The following SCFD2 variants were observed in gnomAD, a reference collection of about 807,000 sequenced individuals.
SCFD2 encodes sec1 family domain-containing protein 2.
Under a neutral mutation model 58.9 loss-of-function variants are expected in SCFD2, and 54 were observed. That is an observed-to-expected ratio of 0.92 (90% CI 0.74 to 1.15). The LOEUF (loss-of-function observed/expected upper bound fraction) is 1.15, where lower values mean the gene tolerates loss of function less well. Among genes scored for constraint, SCFD2 ranks in the 50% most tolerant of loss-of-function variants. SCFD2 has a pLI of 0.00. For missense variants in SCFD2, 805 were observed against 836.6 expected (o/e 0.96, Z 0.47); for synonymous variants, 321 against 335.9 (o/e 0.96, Z 0.49).
chr4:53,101,378 T>C (rs1577727895), intron 5 of SCFD2, among the ~76,000 whole-genome samples: 2 of 152,286 alleles, frequency 1.3e-5, no homozygotes, highest in East Asian at 3.9e-4. Context: ...AATTTGATAG[T>C]AGTTGATCTT....
intron 8 of SCFD2, among the ~76,000 whole-genome samples, chr4:52,883,222 CAG>C (rs1490273648): frequency 2.0e-5 from 3 of 152,174 alleles, no homozygotes; most frequent in Non-Finnish European, 4.4e-5. Context: ...CTCAGATCGG[CAG>C]AGTTTGCTGT....
chr4:53,247,946 CG>C (rs1341134892), intron 4 of SCFD2, among the ~76,000 whole-genome samples: 1 of 151,886 alleles, frequency 6.6e-6, no homozygotes, highest in Non-Finnish European at 1.5e-5. Flanking sequence ...GGAACAGCTC[CG>C]GTCTACAGCT....
intron 4 of SCFD2, among the ~76,000 whole-genome samples, chr4:53,248,063 CA>C (rs973646739): frequency 6.6e-6 from 1 of 152,128 alleles, no homozygotes; most frequent in Admixed American, 6.5e-5. Context: ...TCAGTGGGTG[CA>C]GCGCACCATG....
In SCFD2 at chr4:52,921,241, T is replaced by C. The variant is rs530229320; in HGVS notation, c.1562-371A>G. On this transcript the variant is annotated intron_variant, in intron 5 of 8. Coordinates refer to ENST00000401642, the MANE Select transcript of SCFD2 (RefSeq NM_152540.4). ...AGACACAAAGGAAAATACGAGAGAC[T>C]GTTATGATCAAACTCACTTGCTTGA... Among the ~76,000 whole-genome samples, 25 of 152,262 alleles carry C rather than the reference T, an allele frequency of 1.6e-4. No individual in the cohort carries two copies. In the South Asian group the frequency reaches 5.0e-3, roughly 30 times the overall value.
At chr4:52,908,531 G>A (rs369052333) in intron 6 of SCFD2, among the ~76,000 whole-genome samples, 16 of 152,112 alleles carry the variant, frequency 1.1e-4, no homozygotes, top group African/African-American at 3.9e-4. Flanking sequence ...TTTCTAACAG[G>A]GCACAGTTGA....
chr4:53,207,547 A>T (rs1334057611), intron 4 of SCFD2, among the ~76,000 whole-genome samples: 3 of 28,764 alleles, frequency 1.0e-4, no homozygotes, highest in African/African-American at 4.2e-4. Flanking sequence ...TTATATATAT[A>T]ATATTTATAT....
intron 7 of SCFD2, among the ~76,000 whole-genome samples, chr4:52,902,611 C>T (rs985580193): frequency 6.6e-6 from 1 of 152,194 alleles, no homozygotes; most frequent in Non-Finnish European, 1.5e-5. Context: ...GGCAGGGATA[C>T]AAATCCATAA....
intron 5 of SCFD2, among the ~76,000 whole-genome samples, chr4:53,031,197 AAGGGAAAC>A (rs1309387698): frequency 1.3e-5 from 2 of 152,140 alleles, no homozygotes; most frequent in Admixed American, 1.3e-4. Context: ...GGCTTGTTAG[AAGGGAAAC>A]TAACAAGCAG....
chr4:52,894,583 C>G (rs1171270085), intron 7 of SCFD2, among the ~76,000 whole-genome samples: 1 of 152,140 alleles, frequency 6.6e-6, no homozygotes, highest in Non-Finnish European at 1.5e-5. Flanking sequence ...TCAAGGTATT[C>G]CATGCACAAG....
chr4:52,897,095 T>A (rs1178730107), intron 7 of SCFD2, among the ~76,000 whole-genome samples: 1 of 152,246 alleles, frequency 6.6e-6, no homozygotes, highest in Non-Finnish European at 1.5e-5. Context: ...AATCATGTCA[T>A]CTGCAAACAG....
chr4:52,916,712 C>T (rs1245201513), intron 6 of SCFD2, among the ~76,000 whole-genome samples: 1 of 152,222 alleles, frequency 6.6e-6, no homozygotes, highest in African/African-American at 2.4e-5. Flanking sequence ...TTCTGCCATA[C>T]ACAGCTAACA....
chr4:53,061,151 A>G (rs1424497150), intron 5 of SCFD2, among the ~76,000 whole-genome samples: 17 of 152,174 alleles, frequency 1.1e-4, no homozygotes, highest in Non-Finnish European at 1.5e-5. Flanking sequence ...ATATGCTAAG[A>G]GCTTAAAAAA....
At chr4:53,358,751 A>G (rs1309557495) in intron 1 of SCFD2, among the ~76,000 whole-genome samples, 1 of 152,188 alleles carries the variant, frequency 6.6e-6, no homozygotes, top group Non-Finnish European at 1.5e-5. Context: ...GAATTCATGA[A>G]TCAAGTCTCT....
At chr4:52,888,184 T>G (rs1401453249) in intron 7 of SCFD2, among the ~76,000 whole-genome samples, 1 of 152,140 alleles carries the variant, frequency 6.6e-6, no homozygotes, top group Non-Finnish European at 1.5e-5. Context: ...AACATCTTAT[T>G]CTAAAAGCAC....
chr4:52,974,889 T>C (rs991993673), intron 5 of SCFD2, among the ~76,000 whole-genome samples: 1 of 152,146 alleles, frequency 6.6e-6, no homozygotes, highest in African/African-American at 2.4e-5. Flanking sequence ...ATCTGATCTT[T>C]GACAAACCTG....
intron 4 of SCFD2, among the ~76,000 whole-genome samples, chr4:53,164,804 A>AAAAAAAAAAAG (rs1553882340): frequency 1.4e-5 from 2 of 143,892 alleles, no homozygotes; most frequent in African/African-American, 2.7e-5. Flanking sequence ...AAAAAAAAAA[A>AAAAAAAAAAAG]AAGAAGAAGA....
At chr4:52,931,103 A>G (rs919311706) in intron 5 of SCFD2, among the ~76,000 whole-genome samples, 1 of 152,236 alleles carries the variant, frequency 6.6e-6, no homozygotes, top group Non-Finnish European at 1.5e-5. Flanking sequence ...ATCACAGCCA[A>G]GTTCTCAAAC....
intron 2 of SCFD2, among the ~76,000 whole-genome samples, chr4:53,317,144 G>A (rs1193792295): frequency 2.0e-5 from 3 of 151,812 alleles, no homozygotes; most frequent in Non-Finnish European, 4.4e-5. Flanking sequence ...CTAGATATGT[G>A]TGAGAGTTCC....
chr4:53,033,798 C>A (rs1722683941), intron 5 of SCFD2, among the ~76,000 whole-genome samples: 1 of 152,092 alleles, frequency 6.6e-6, no homozygotes, highest in African/African-American at 2.4e-5. Context: ...TAAAGCATAA[C>A]AAGTTCTGAA....
Sources: allele counts gnomAD v4.1 joint callset (sites outside exome capture counted in the v4.1 genomes callset), GRCh38; gene constraint gnomAD v4.1.1; transcripts MANE v1.5; gene names NCBI Gene and HGNC (gene_info 2026-07-23, HGNC 2026-07-21).